THBS1: variants seen among roughly 807,000 people sequenced by gnomAD.
The protein encoded by THBS1 is thrombospondin-1.
A neutral mutation model predicts 126.1 loss-of-function variants in THBS1; 29 were observed. The ratio of observed to expected loss-of-function variants is 0.23; its 90% CI spans 0.17 to 0.31. The LOEUF is 0.31. Ranked by LOEUF, THBS1 falls within the 10% of genes least tolerant of loss-of-function variation. The probability of loss-of-function intolerance (pLI) is 1.00; values close to 1 mark genes in which losing one functional copy is unlikely to be tolerated. For missense variants in THBS1, 1,198 were observed against 1,545.2 expected, an observed-to-expected ratio of 0.78 and a Z score of 3.77; for synonymous variants, 496 against 577.8, an observed-to-expected ratio of 0.86 and a Z score of 2.03.
rs1401282255 is a variant in THBS1, at chr15:39,591,562, C to A, written c.2471C>A (p.Thr824Asn). ...QYVYNVDQRDTDMDGVGDQCD... is the reference protein window; with the variant it reads ...QYVYNVDQRDNDMDGVGDQCD... ...GTCTACAATGTGGACCAGAGAGACA[C>A]TGATATGGATGGGGTTGGAGATCAG... is the stretch of plus-strand genomic sequence containing the variant. Residue 824 changes from threonine to asparagine, a missense_variant, in exon 16 of 22, where the codon ACT (threonine) becomes AAT (asparagine). Physicochemically the swap from Thr to Asn is moderately conservative, Grantham distance 65. Around this residue, in one of 4 missense-constraint regions of THBS1, gnomAD observed 663 missense variants for 860.1 expected, o/e 0.77. Transcript: ENST00000260356. 3 of 1,614,098 alleles carry A rather than the reference C, an allele frequency of 1.9e-6. No individual in the cohort carries two copies. Among genetic ancestry groups the A allele is most frequent in the African/African-American group, 2.7e-5 (2 of 74,926 alleles).
In THBS1 at chr15:39,589,000, A is replaced by ACTAG; in HGVS notation, c.1691_1694dup (p.Tyr565Ter). 6.2e-7 allele frequency: 1 copy of ACTAG among 1,614,136 alleles called. No individual in the cohort carries two copies. Among genetic ancestry groups the ACTAG allele is most frequent in the Non-Finnish European group, 8.5e-7 (1 of 1,180,024 alleles). On this transcript the variant is annotated frameshift_variant, in exon 11 of 22. Coordinates refer to ENST00000260356, the MANE Select transcript of THBS1 (RefSeq NM_003246.4). LOFTEE classifies it high-confidence loss of function. ...TCCCTGCTTTGCCGGCGTGAAGTGT[A>ACTAG]CTAGCTACCCTGATGGCAGCTGGAA...
Position 39,593,054 on chromosome 15 carries a change from A to T in THBS1, c.2822A>T (p.Asp941Val). 3 of 1,607,898 alleles carry T rather than the reference A, an allele frequency of 1.9e-6. No individual in the cohort carries two copies. Among genetic ancestry groups the T allele is most frequent in the Non-Finnish European group, 2.5e-6 (3 of 1,177,238 alleles). ...GATTTTGACCATGACAGTGTGCCAGACATCGATGACATCTGTCCTGAGAAT... is the reference window on the plus strand; with the variant it reads ...GATTTTGACCATGACAGTGTGCCAGTCATCGATGACATCTGTCCTGAGAAT... Reference protein sequence around the residue: ...KDDFDHDSVPDIDDICPENVD... With the variant: ...KDDFDHDSVPVIDDICPENVD... The change falls in exon 18 of 22, where the codon GAC becomes GTC. Residue 941 changes from aspartate (D) to valine (V), a missense_variant. Transcript: ENST00000260356. The surrounding 1 kb of genome is among the most constrained non-coding windows in gnomAD (Gnocchi z 5.9).
chr15:39,597,280 G>GTTTTTTTTTTTTTTTTT lies in THBS1; in HGVS notation c.*1916_*1932dup. On this transcript the variant is annotated 3_prime_UTR_variant, in exon 22 of 22. Transcript: ENST00000260356. ...GTTGGTTTTTTCTTTTTTTTGTTTT[G>GTTTTTTTTTTTTTTTTT]TTTTTTTTTTTTTTTTTTTTTGCTT... is the stretch of plus-strand genomic sequence containing the variant. The GTTTTTTTTTTTTTTTTT allele has an allele frequency of 2.1e-5, 1 of 48,058 alleles. No individual in the cohort carries two copies. Among genetic ancestry groups the GTTTTTTTTTTTTTTTTT allele is most frequent in the Non-Finnish European group, 4.0e-5 (1 of 25,242 alleles). 3.0% of individuals were successfully genotyped at this position (48,058 alleles called of 1,614,324 possible). A position where few individuals can be genotyped will look rare whatever the true frequency, so the allele number is the denominator to read the frequency against.
chr15:39,584,305 A>G lies in THBS1; in HGVS notation c.909A>G (p.Glu303=). The change falls in exon 6 of 22, where the codon GAA becomes GAG. Residue 303 remains glutamate (E), a synonymous_variant. Transcript: ENST00000260356. ...TLQDSIRKVT[E]ENKELANELR... Reference sequence around the variant, plus strand: ...TGATATTCTCTCCCATTTAGACTGAAGAGAACAAAGAGTTGGCCAATGAGC... The same window carrying G: ...TGATATTCTCTCCCATTTAGACTGAGGAGAACAAAGAGTTGGCCAATGAGC... 5 of 1,614,246 alleles carry G rather than the reference A, an allele frequency of 3.1e-6. No individual in the cohort carries two copies. Among genetic ancestry groups the G allele is most frequent in the Non-Finnish European group, 4.2e-6 (5 of 1,180,044 alleles).
rs1213476742 is a variant in THBS1 at position 39,595,508 on chromosome 15, T to G, written c.*139T>G. On this transcript the variant is annotated 3_prime_UTR_variant, in exon 22 of 22. Coordinates refer to ENST00000260356, the MANE Select transcript of THBS1 (RefSeq NM_003246.4). ...CTGTGCTTGCATCAGTGTGGACTCC[T>G]AGAACGTGCGACCTGCCTCAAGAAA... is the stretch of plus-strand genomic sequence containing the variant. 4 of 1,165,824 alleles carry G rather than the reference T, an allele frequency of 3.4e-6. No individual in the cohort carries two copies. In the East Asian group the frequency reaches 1.0e-4, roughly 30 times the overall value. 72.2% of individuals were successfully genotyped at this position (1,165,824 alleles called of 1,614,324 possible). A position where few individuals can be genotyped will look rare whatever the true frequency, so the allele number is the denominator to read the frequency against.
At chr15:39,583,576 C>CCCAAA in intron 3 of THBS1, 41 bp from the exon 4 acceptor site, 1 of 1,523,816 alleles carries the variant, frequency 6.6e-7, no homozygotes, top group Non-Finnish European at 9.1e-7. Context: ...ATCCCCACCC[C>CCCAAA]GCTCTGCATT....
At chr15:39,591,765 TC>T (rs1890332636) in intron 16 of THBS1, 142 bp downstream of exon 16, 2 of 765,214 alleles carry the variant, frequency 2.6e-6, no homozygotes, top group Admixed American at 2.1e-5. Context: ...TGGAATACGT[TC>T]ATGTAAATAA....
At position 39,583,671 on chromosome 15, in the gene THBS1, A is replaced by G; in HGVS notation, c.682A>G (p.Arg228Gly). ...VFGTTPEDIL[R>G]NKGCSSSTSV... ...TGGAACCACACCAGAAGACATCCTC[A>G]GGAACAAAGGCTGCTCCAGCTGTGA... Residue 228 changes from arginine to glycine, a missense_variant, in exon 4 of 22, where the codon AGG becomes GGG. Transcript: ENST00000260356. 6.2e-7 allele frequency: 1 copy of G among 1,614,044 alleles called. No homozygotes were observed. Among genetic ancestry groups the G allele is most frequent in the Non-Finnish European group, 8.5e-7 (1 of 1,179,972 alleles).
At chr15:39,581,742 T>C in intron 1 of THBS1, 87 bp from the exon 2 acceptor site, 2 of 761,396 alleles carry the variant, frequency 2.6e-6, no homozygotes, top group Non-Finnish European at 2.2e-6. Context: ...GTCCCGGCCC[T>C]GTCCCCATGC....
chr15:39,593,001 C>A lies in THBS1; in HGVS notation c.2769C>A (p.Gly923=), dbSNP rs765500871. 4 of 1,613,000 alleles carry A rather than the reference C, an allele frequency of 2.5e-6. No homozygotes were observed. The South Asian group carries it at 4.4e-5, about 18-fold the overall frequency. Reference sequence around the variant, plus strand: ...GAACTCTTGCTTTTTTGACCTCAGGCGATGGTCGAGGTGATGCCTGCAAAG... The same window carrying A: ...GAACTCTTGCTTTTTTGACCTCAGGAGATGGTCGAGGTGATGCCTGCAAAG... ...VPNPDQKDSD[G]DGRGDACKDD... Residue 923 remains glycine, a splice_region_variant and synonymous_variant, in exon 18 of 22, where the codon GGC becomes GGA. Coordinates refer to ENST00000260356, the MANE Select transcript of THBS1 (RefSeq NM_003246.4). This position sits in a 1 kb window ranked among gnomAD's most constrained non-coding sequence, Gnocchi z 5.9.
chr15:39,590,583 G>A lies in THBS1; in HGVS notation c.2213G>A (p.Cys738Tyr). The change falls in exon 14 of 22, where the codon TGT (cysteine) becomes TAT (tyrosine). Residue 738 changes from cysteine (C) to tyrosine (Y), a missense_variant. This residue lies in a region of THBS1 where 663 missense variants were observed against 860.1 expected (regional missense o/e 0.77). Transcript: ENST00000260356. Reference sequence around the variant, plus strand: ...GACAAGGATGGAATTGGTGATGCCTGTGATGATGACGATGACAATGATAAA... The same window carrying A: ...GACAAGGATGGAATTGGTGATGCCTATGATGATGACGATGACAATGATAAA... Reference protein sequence around the residue: ...DYDKDGIGDACDDDDDNDKIP... With the variant: ...DYDKDGIGDAYDDDDDNDKIP... 6.2e-7 allele frequency: 1 copy of A among 1,613,980 alleles called. No individual in the cohort carries two copies. The highest frequency in any genetic ancestry group is 8.5e-7 in the Non-Finnish European group (1 of 1,179,996).
At chr15:39,582,850 G>A in intron 3 of THBS1, 98 bp downstream of exon 3, 1 of 1,333,870 alleles carries the variant, frequency 7.5e-7, no homozygotes, top group Non-Finnish European at 1.0e-6. Context: ...AACTAACGCA[G>A]CAGTTCTCAG....
Position 39,588,517 on chromosome 15 carries a change from T to A in THBS1, c.1472-9T>A. On this transcript the variant is annotated splice_polypyrimidine_tract_variant and intron_variant, in intron 9 of 21. Transcript: ENST00000260356. ...TCTTAATTGTTGCCTGTGGTTCATC[T>A]TCTTACAGTCAATGGAGGCTGGGGT... 2 of 1,538,554 alleles carry A rather than the reference T, an allele frequency of 1.3e-6. No individual in the cohort carries two copies. Among genetic ancestry groups the A allele is most frequent in the Non-Finnish European group, 1.7e-6 (2 of 1,146,152 alleles).
rs546419126 is a variant in THBS1, at chr15:39,583,852, G to A, written c.704-136G>A. The A allele has an allele frequency of 1.1e-4, 132 of 1,175,626 alleles. No individual in the cohort carries two copies. In the African/African-American group the frequency reaches 2.0e-3, roughly 18 times the overall value. 72.8% of individuals were successfully genotyped at this position (1,175,626 alleles called of 1,614,324 possible). A position where few individuals can be genotyped will look rare whatever the true frequency, so the allele number is the denominator to read the frequency against. On this transcript the variant is annotated intron_variant, in intron 4 of 21. Coordinates refer to ENST00000260356, the MANE Select transcript of THBS1 (RefSeq NM_003246.4). ...TCCAAGGGGTATTATACACACACAC[G>A]TATACACACGTGCGCATACACGCAA...
chr15:39,598,749 G>A lies in THBS1; in HGVS notation c.*3380G>A, dbSNP rs1256752311. On this transcript the variant is annotated 3_prime_UTR_variant, in exon 22 of 22. Coordinates refer to ENST00000260356, the MANE Select transcript of THBS1 (RefSeq NM_003246.4). ...CCAACAGTTTATTGTCATGTGTTGT[G>A]GGAGAGCTCGAGTGAAGAGCAATAA... The A allele has an allele frequency of 6.6e-6, 1 of 151,982 alleles. No individual in the cohort carries two copies. Among genetic ancestry groups the A allele is most frequent in the African/African-American group, 2.4e-5 (1 of 41,378 alleles). 9.4% of individuals were successfully genotyped at this position (151,982 alleles called of 1,614,324 possible).
Position 39,595,583 on chromosome 15 carries a change from A to G in THBS1, c.*214A>G, listed in dbSNP as rs961667735. 1.6e-5 allele frequency: 10 copies of G among 632,744 alleles called. No individual in the cohort carries two copies. The Admixed American group carries it at 2.0e-4, about 13-fold the overall frequency. The allele number at this position is 632,744 out of a possible 1,614,324, so 39.2% of individuals were successfully genotyped here. Reference sequence around the variant, plus strand: ...GCATTCAGCCTCCAATGAATAAGACATCTTCCAAGCATATAAACAATTGCT... The same window carrying G: ...GCATTCAGCCTCCAATGAATAAGACGTCTTCCAAGCATATAAACAATTGCT... On this transcript the variant is annotated 3_prime_UTR_variant, in exon 22 of 22. Coordinates refer to ENST00000260356, the MANE Select transcript of THBS1 (RefSeq NM_003246.4).
Position 39,598,563 on chromosome 15 carries a change from A to G in THBS1, c.*3194A>G, listed in dbSNP as rs1890531623. ...TAGTGAAGCAAAACTGATTGAAAAT[A>G]CCAAGATAAGACAGAAAAAGTGACT... On this transcript the variant is annotated 3_prime_UTR_variant, in exon 22 of 22. Transcript: ENST00000260356. 6.6e-6 allele frequency: 1 copy of G among 152,252 alleles called. No individual in the cohort carries two copies. The allele number at this position is 152,252 out of a possible 1,614,324, so 9.4% of individuals were successfully genotyped here.
Position 39,597,395 on chromosome 15 carries a change from C to G in THBS1, c.*2026C>G, listed in dbSNP as rs1456601719. 1 of 147,030 alleles carries G rather than the reference C, an allele frequency of 6.8e-6. No homozygotes were observed. Among genetic ancestry groups the G allele is most frequent in the Non-Finnish European group, 1.5e-5 (1 of 67,294 alleles). The allele number at this position is 147,030 out of a possible 1,614,324, so 9.1% of individuals were successfully genotyped here. Reference sequence around the variant, plus strand: ...TTTTTATCCATTTTACATTCTAAAGCAGTGTAAGTTGTATATTACTGTTTC... The same window carrying G: ...TTTTTATCCATTTTACATTCTAAAGGAGTGTAAGTTGTATATTACTGTTTC... On this transcript the variant is annotated 3_prime_UTR_variant, in exon 22 of 22. Transcript: ENST00000260356.
chr15:39,595,022 A>G (rs551942801), intron 21 of THBS1, among the ~76,000 whole-genome samples: 2 of 152,376 alleles, frequency 1.3e-5, no homozygotes, highest in African/African-American at 2.4e-5. Context: ...TAAAAGATCA[A>G]TGACAGTAGA....
Sources: gnomAD v4.1 joint callset for allele counts (sites outside exome capture counted in the v4.1 genomes callset) on GRCh38, gnomAD v4.1.1 for gene constraint, gnomAD v4.1.1 regional missense constraint, Gnocchi (gnomAD v3.1) non-coding constraint, MANE v1.5 for transcripts, NCBI Gene and HGNC (gene_info 2026-07-23, HGNC 2026-07-21) for gene names.